Variants in TMEM177 observed in about 807,000 individuals in gnomAD.
The protein encoded by TMEM177 is transmembrane protein 177.
Under a neutral mutation model 14.2 loss-of-function variants are expected in TMEM177, and 4 were observed. The ratio of observed to expected loss-of-function variants is 0.28; its 90% CI spans 0.14 to 0.64. The LOEUF (loss-of-function observed/expected upper bound fraction) is 0.64. Ranked by LOEUF, TMEM177 falls within the 30% of genes least tolerant of loss-of-function variation. The pLI is 0.82. For synonymous variants in TMEM177, 179 were observed against 174.5 expected (o/e 1.03, Z -0.20); for missense variants, 344 against 405.2 (o/e 0.85, Z 1.30).
At chr2:119,718,335 G>A in the TMEM177 span, among the ~76,000 whole-genome samples, 3 of 152,198 alleles carry the variant, frequency 2.0e-5, no homozygotes, top group East Asian at 3.9e-4. Flanking sequence ...CCCCACCTCC[G>A]TGAACATCCC....
chr2:119,685,121 T>G (rs957508359), downstream of TMEM177, among the ~76,000 whole-genome samples: 4 of 151,924 alleles, frequency 2.6e-5, no homozygotes, highest in Non-Finnish European at 5.9e-5. Context: ...CCTGCAAGGA[T>G]GCCCGACATC....
At chr2:119,716,176 C>T in the TMEM177 span, among the ~76,000 whole-genome samples, 2 of 152,176 alleles carry the variant, frequency 1.3e-5, no homozygotes, top group African/African-American at 4.8e-5. Flanking sequence ...TGTGGAGCCT[C>T]CTTAGCCAGG....
chr2:119,715,697 G>A, the TMEM177 span, among the ~76,000 whole-genome samples: 3 of 152,292 alleles, frequency 2.0e-5, no homozygotes, highest in African/African-American at 2.4e-5. Flanking sequence ...AAGGACCAGC[G>A]GAACTTCGGC....
the TMEM177 span, among the ~76,000 whole-genome samples, chr2:119,696,830 G>T: frequency 6.6e-6 from 1 of 152,172 alleles, no homozygotes; most frequent in Non-Finnish European, 1.5e-5. Context: ...GGTCGGGGAG[G>T]CAGGGAGAAG....
downstream of TMEM177, among the ~76,000 whole-genome samples, chr2:119,685,273 T>C (rs112273008): frequency 0.053 from 6,390 of 120,120 alleles, 277 homozygotes; most frequent in African/African-American, 0.13. Context: ...CACATCTGGA[T>C]ACAGCCAGAA....
chr2:119,705,990 A>ATATATATTATACAT, the TMEM177 span, among the ~76,000 whole-genome samples: 2 of 14,606 alleles, frequency 1.4e-4, no homozygotes, highest in Non-Finnish European at 5.0e-4. Flanking sequence ...CTCTCTATAT[A>ATATATATTATACAT]TATATATTAT....
At position 119,681,342 on chromosome 2, in the gene TMEM177, C is replaced by T; in HGVS notation, c.489C>T (p.Ser163=). The T allele has an allele frequency of 1.2e-6, 2 of 1,614,222 alleles. No homozygotes were observed. The highest frequency in any genetic ancestry group is 1.1e-5 in the South Asian group (1 of 91,084). Residue 163 remains serine, a synonymous_variant, in exon 2 of 2, where the codon AGC becomes AGT. Coordinates refer to ENST00000272521, the MANE Select transcript of TMEM177 (RefSeq NM_030577.3). ...CCAGGGAAGTGGTGTACCTGGAAAG[C>T]AGTACCACTGCCGTGCACGCCCTGC... ...ALAREVVYLE[S]STTAVHALLA... is the part of the protein sequence containing the mutation.
chr2:119,694,283 CA>C, the TMEM177 span, among the ~76,000 whole-genome samples: 2 of 30,068 alleles, frequency 6.7e-5, no homozygotes, highest in South Asian at 1.7e-3. Flanking sequence ...TGGTATACCA[CA>C]CACACACACA....
chr2:119,722,717 A>G, the TMEM177 span, among the ~76,000 whole-genome samples: 1 of 152,240 alleles, frequency 6.6e-6, no homozygotes, highest in Non-Finnish European at 1.5e-5. Flanking sequence ...AGGCACACAA[A>G]TATAGTTCTT....
chr2:119,695,166 A>C, the TMEM177 span, among the ~76,000 whole-genome samples: 1 of 152,198 alleles, frequency 6.6e-6, no homozygotes, highest in Admixed American at 6.5e-5. Context: ...TGTCCTTTCC[A>C]TTGAAAGAGC....
chr2:119,694,387 G>A, the TMEM177 span, among the ~76,000 whole-genome samples: 1 of 152,098 alleles, frequency 6.6e-6, no homozygotes, highest in African/African-American at 2.4e-5. Flanking sequence ...TGGAAGTCCA[G>A]CCTAAATAAG....
At chr2:119,683,043 T>G (rs764014707), downstream of TMEM177, among the ~76,000 whole-genome samples, 1 of 152,192 alleles carries the variant, frequency 6.6e-6, no homozygotes, top group Non-Finnish European at 1.5e-5. Flanking sequence ...TCATGACATC[T>G]TTTAGTTGGA....
intron 1 of TMEM177, among the ~76,000 whole-genome samples, chr2:119,680,372 G>T (rs4848555): frequency 0.91 from 138,065 of 152,220 alleles, 63,827 homozygotes; most frequent in South Asian, 0.99. Flanking sequence ...GGTTCAATCG[G>T]TAAGAGTGCT....
downstream of TMEM177, chr2:119,685,553 G>A (rs112438474): frequency 7.9e-5 from 53 of 674,610 alleles, no homozygotes; most frequent in African/African-American, 8.3e-4. Context: ...AACATAATGG[G>A]GCCTTTATTA....
At chr2:119,709,128 G>C in the TMEM177 span, among the ~76,000 whole-genome samples, 1 of 152,214 alleles carries the variant, frequency 6.6e-6, no homozygotes. Flanking sequence ...TCCACTTTGG[G>C]TGGATTTTCC....
At chr2:119,719,565 T>C in the TMEM177 span, among the ~76,000 whole-genome samples, 5 of 152,196 alleles carry the variant, frequency 3.3e-5, no homozygotes, top group Non-Finnish European at 5.9e-5. Flanking sequence ...GTTTTCCTTG[T>C]TGATGAAAAG....
the TMEM177 span, among the ~76,000 whole-genome samples, chr2:119,691,689 G>T: frequency 6.6e-6 from 1 of 152,234 alleles, no homozygotes; most frequent in South Asian, 2.1e-4. Context: ...AGGGAAGGGA[G>T]TGTGGCGTGT....
chr2:119,692,423 C>A, the TMEM177 span, among the ~76,000 whole-genome samples: 2 of 152,232 alleles, frequency 1.3e-5, no homozygotes, highest in Non-Finnish European at 2.9e-5. Flanking sequence ...GAGGAGGGAG[C>A]CGTGAGGTGT....
chr2:119,690,837 T>G (rs1464130046), downstream of TMEM177, among the ~76,000 whole-genome samples: 2 of 152,246 alleles, frequency 1.3e-5, no homozygotes, highest in African/African-American at 4.8e-5. Context: ...GCTCACTGGC[T>G]TGGTTTTCCA....
Sources: gnomAD v4.1 joint callset for allele counts (sites outside exome capture counted in the v4.1 genomes callset) on GRCh38, gnomAD v4.1.1 for gene constraint, MANE v1.5 for transcripts, NCBI Gene and HGNC (gene_info 2026-07-23, HGNC 2026-07-21) for gene names.